Variants in TSGA10 observed in about 807,000 individuals in gnomAD.
The protein encoded by TSGA10 is testis-specific gene 10 protein.
A neutral mutation model predicts 96.6 loss-of-function variants in TSGA10; 43 were observed. The observed-to-expected ratio is 0.44, with a 90% confidence interval of 0.35 to 0.57. TSGA10 has a LOEUF of 0.57. Ranked by LOEUF, TSGA10 falls within the 20% of genes least tolerant of loss-of-function variation. TSGA10 has a pLI of 0.01. For missense variants in TSGA10, 703 were observed against 834.4 expected (o/e 0.84, Z 1.94); for synonymous variants, 229 against 269.9 (o/e 0.85, Z 1.48).
At chr2:99,067,122 C>T (rs2085346662) in intron 15 of TSGA10, among the ~76,000 whole-genome samples, 1 of 152,184 alleles carries the variant, frequency 6.6e-6, no homozygotes, top group Non-Finnish European at 1.5e-5. Context: ...ACCTACAGGA[C>T]CTACTTTTTC....
chr2:99,052,617 A>G (rs1214431499), intron 16 of TSGA10, among the ~76,000 whole-genome samples: 1 of 152,062 alleles, frequency 6.6e-6, no homozygotes, highest in Non-Finnish European at 1.5e-5. Context: ...AGGCGCCTGT[A>G]GTCCCAGCTA....
At chr2:99,074,362 G>A (rs2086416421) in intron 12 of TSGA10, among the ~76,000 whole-genome samples, 1 of 151,698 alleles carries the variant, frequency 6.6e-6, no homozygotes. Flanking sequence ...GTGTGTGTGT[G>A]TGTGTGTGTG....
chr2:99,018,208 T>G lies in TSGA10; in HGVS notation c.2064A>C (p.Ser688=), dbSNP rs2079701946. 1.9e-6 allele frequency: 3 copies of G among 1,613,914 alleles called. No individual in the cohort carries two copies. Among genetic ancestry groups the G allele is most frequent in the Non-Finnish European group, 2.5e-6 (3 of 1,180,000 alleles). ...TCCTTAAATAGACTCACTCTTCTAA[T>G]GATCGATCTAGGCCTCGGTCAGGAG... ...HRSPDRGLDR[S]LEENLCYRDF is the part of the protein sequence containing the mutation. The change falls in exon 20 of 21, where the codon TCA becomes TCC. Residue 688 remains serine (S), a synonymous_variant. Coordinates refer to ENST00000393483, the MANE Select transcript of TSGA10 (RefSeq NM_025244.4).
intron 20 of TSGA10, among the ~76,000 whole-genome samples, chr2:99,000,971 A>T (rs1347571732): frequency 1.3e-5 from 2 of 152,166 alleles, no homozygotes; most frequent in African/African-American, 4.8e-5. Flanking sequence ...GGCAGCCTGG[A>T]AGCTCGAACC....
chr2:99,098,917 T>C (rs2090395955), intron 10 of TSGA10, among the ~76,000 whole-genome samples: 1 of 152,220 alleles, frequency 6.6e-6, no homozygotes, highest in Non-Finnish European at 1.5e-5. Context: ...AACTCCAATC[T>C]TATACAAACT....
At chr2:99,142,076 C>CA (rs777557257) in intron 1 of TSGA10, 2 of 152,264 alleles carry the variant, frequency 1.3e-5, no homozygotes, top group Non-Finnish European at 2.9e-5. Flanking sequence ...CTCCACATGC[C>CA]AGTCCTTTTC....
chr2:99,071,987 A>C, intron 13 of TSGA10, 113 bp from the exon 14 acceptor site: 1 of 933,936 alleles, frequency 1.1e-6, no homozygotes, highest in African/African-American at 1.7e-5. Flanking sequence ...AAGAGATTTT[A>C]AACACGTTTG....
At chr2:99,026,868 T>C (rs965059619) in intron 17 of TSGA10, among the ~76,000 whole-genome samples, 7 of 152,154 alleles carry the variant, frequency 4.6e-5, no homozygotes, top group African/African-American at 1.7e-4. Context: ...CCCAACCTTT[T>C]TGTCACCAGG....
At chr2:99,095,127 C>T (rs1175930944) in intron 10 of TSGA10, among the ~76,000 whole-genome samples, 1 of 152,076 alleles carries the variant, frequency 6.6e-6, no homozygotes, top group Non-Finnish European at 1.5e-5. Flanking sequence ...GACCATTATT[C>T]TAAGGGAAGT....
intron 16 of TSGA10, among the ~76,000 whole-genome samples, chr2:99,055,183 A>G (rs963310674): frequency 6.6e-6 from 1 of 152,188 alleles, no homozygotes; most frequent in African/African-American, 2.4e-5. Flanking sequence ...AGCCTTAAAA[A>G]CAAAGAAATC....
At chr2:99,045,263 A>G (rs2082640424) in intron 16 of TSGA10, among the ~76,000 whole-genome samples, 1 of 152,150 alleles carries the variant, frequency 6.6e-6, no homozygotes, top group Non-Finnish European at 1.5e-5. Context: ...GAGAAGGGCA[A>G]CTCCAAGACA....
At chr2:99,134,286 T>C (rs187430544) in intron 1 of TSGA10, among the ~76,000 whole-genome samples, 1 of 152,256 alleles carries the variant, frequency 6.6e-6, no homozygotes, top group East Asian at 1.9e-4. Flanking sequence ...TTTCTTCTCA[T>C]CCTTTTTTCT....
At chr2:99,075,660 A>T (rs1338700004) in intron 12 of TSGA10, among the ~76,000 whole-genome samples, 2 of 152,110 alleles carry the variant, frequency 1.3e-5, no homozygotes, top group Non-Finnish European at 2.9e-5. Context: ...CTTGCAAGTT[A>T]TTTTCCCTAC....
chr2:98,998,523 A>G (rs1157666213), intron 20 of TSGA10, among the ~76,000 whole-genome samples: 1 of 152,188 alleles, frequency 6.6e-6, no homozygotes, highest in African/African-American at 2.4e-5. Context: ...TCTCAAAACG[A>G]CAGAATTATA....
intron 16 of TSGA10, among the ~76,000 whole-genome samples, chr2:99,058,551 G>C (rs1348825535): frequency 6.6e-6 from 1 of 151,962 alleles, no homozygotes; most frequent in East Asian, 1.9e-4. Context: ...CTCCTTCTTT[G>C]GAAAGATAAA....
chr2:99,100,819 C>CAAAAAA (rs70940133), intron 10 of TSGA10, among the ~76,000 whole-genome samples: 1 of 69,736 alleles, frequency 1.4e-5, no homozygotes, highest in Non-Finnish European at 2.6e-5. Flanking sequence ...GACTCCGTCT[C>CAAAAAA]AAAAAAAAAA....
At chr2:99,001,449 G>A (rs542765869) in intron 20 of TSGA10, among the ~76,000 whole-genome samples, 1 of 152,192 alleles carries the variant, frequency 6.6e-6, no homozygotes, top group East Asian at 1.9e-4. Flanking sequence ...TCAACAAAAA[G>A]GACACCCACA....
chr2:99,087,730 G>A (rs1190892781), intron 10 of TSGA10, among the ~76,000 whole-genome samples: 1 of 151,896 alleles, frequency 6.6e-6, no homozygotes, highest in Admixed American at 6.6e-5. Context: ...CAAAAACAAA[G>A]CAATTACAAG....
chr2:99,062,657 C>A (rs1003163830), intron 16 of TSGA10, among the ~76,000 whole-genome samples: 2 of 152,110 alleles, frequency 1.3e-5, no homozygotes, highest in African/African-American at 2.4e-5. Flanking sequence ...ATCACCTGTG[C>A]CCAGGAATTG....
Sources: allele counts gnomAD v4.1 joint callset (sites outside exome capture counted in the v4.1 genomes callset), GRCh38; gene constraint gnomAD v4.1.1; transcripts MANE v1.5; gene names NCBI Gene and HGNC (gene_info 2026-07-23, HGNC 2026-07-21).